OTOL1: variants seen among roughly 807,000 people sequenced by gnomAD.
The protein encoded by OTOL1 is otolin 1.
Under a neutral mutation model 25.0 loss-of-function variants are expected in OTOL1, and 31 were observed. The ratio of observed to expected loss-of-function variants is 1.24; its 90% CI spans 0.93 to 1.67. The LOEUF (loss-of-function observed/expected upper bound fraction) is 1.67, where lower values mean the gene tolerates loss of function less well. OTOL1 is among the 40% of genes most tolerant of loss of function. The probability of loss-of-function intolerance (pLI) is 0.00; values close to 1 mark genes in which losing one functional copy is unlikely to be tolerated. For synonymous variants in OTOL1, 225 were observed against 210.3 expected (o/e 1.07, Z -0.61); for missense variants, 654 against 587.7 (o/e 1.11, Z -1.17).
At chr3:161,497,584 G>C (rs990403149) in intron 1 of OTOL1, among the ~76,000 whole-genome samples, 2 of 152,030 alleles carry the variant, frequency 1.3e-5, no homozygotes, top group African/African-American at 4.8e-5. Context: ...TTAAATTAGT[G>C]GCTGATTTAA....
rs769013132 is a variant in OTOL1 at position 161,499,219 on chromosome 3, T to C, written c.413T>C (p.Val138Ala). ...TTGGGGATCCCAGGGCCACCAGGAG[T>C]TGTTGGGCCCCAAGGCCCTAGAGGC... ...GNLGIPGPPG[V>A]VGPQGPRGYK... Residue 138 changes from valine (V) to alanine (A), a missense_variant, in exon 2 of 4, where the codon GTT becomes GCT. Physicochemically the swap from Val to Ala is moderately conservative, Grantham distance 64. Transcript: ENST00000327928. 6 of 1,611,212 alleles carry C rather than the reference T, an allele frequency of 3.7e-6. No individual in the cohort carries two copies. The highest frequency in any genetic ancestry group is 1.3e-5 in the African/African-American group (1 of 74,842).
At chr3:161,497,484 A>G (rs778407508) in intron 1 of OTOL1, among the ~76,000 whole-genome samples, 1 of 152,176 alleles carries the variant, frequency 6.6e-6, no homozygotes, top group Admixed American at 6.6e-5. Flanking sequence ...TCTACTGGAC[A>G]GTGCTGGTGA....
At chr3:161,500,040 A>G (rs533741918) in intron 2 of OTOL1, among the ~76,000 whole-genome samples, 112 of 152,310 alleles carry the variant, frequency 7.4e-4, no homozygotes, top group African/African-American at 2.5e-3. Context: ...CAGATTCACT[A>G]GGATATTTAG....
chr3:161,503,169 G>A lies in OTOL1; in HGVS notation c.661G>A (p.Gly221Arg), dbSNP rs910839053. ...GGCTATGGGCTCACCTGGCCTGCAC[G>A]GAGGGCCTGGCGCCAAGGGAGAGAA... is the stretch of plus-strand genomic sequence containing the variant. The part of the protein sequence containing the change: ...QGAMGSPGLH[G>R]GPGAKGEKGE... The change falls in exon 4 of 4, where the codon GGA becomes AGA. Residue 221 changes from glycine to arginine, a missense_variant. By Grantham distance (125) the Gly-to-Arg change is moderately radical. Transcript: ENST00000327928. 2.1e-5 allele frequency: 30 copies of A among 1,463,050 alleles called. No homozygotes were observed. In the East Asian group the frequency reaches 3.7e-4, roughly 18 times the overall value. The allele number at this position is 1,463,050 out of a possible 1,614,324, so 90.6% of individuals were successfully genotyped here. A position where few individuals can be genotyped will look rare whatever the true frequency, so the allele number is the denominator to read the frequency against.
intron 2 of OTOL1, among the ~76,000 whole-genome samples, chr3:161,501,670 C>T (rs62278292): frequency 0.024 from 3,609 of 151,592 alleles, 57 homozygotes; most frequent in Non-Finnish European, 0.037. Context: ...ATAAAGAAGG[C>T]ATTTTAACTT....
chr3:161,502,133 G>T (rs1404358200), intron 2 of OTOL1, among the ~76,000 whole-genome samples, 174 bp from the exon 3 acceptor site: 2 of 152,218 alleles, frequency 1.3e-5, no homozygotes, highest in Non-Finnish European at 2.9e-5. Context: ...CTCCCACAGT[G>T]TTGGGATTAT....
intron 1 of OTOL1, among the ~76,000 whole-genome samples, chr3:161,498,749 T>G (rs1718899366): frequency 6.6e-6 from 1 of 152,160 alleles, no homozygotes; most frequent in African/African-American, 2.4e-5. Context: ...TGCAGGGTGC[T>G]TGGTGTATAG....
chr3:161,502,451 A>G, intron 3 of OTOL1, 82 bp downstream of exon 3: 1 of 1,160,240 alleles, frequency 8.6e-7, no homozygotes, highest in South Asian at 1.3e-5. Context: ...ATTTAAAATT[A>G]TCAGAGAGGT....
Position 161,499,162 on chromosome 3 carries a change from C to A in OTOL1, c.365-9C>A, listed in dbSNP as rs1718910758. On this transcript the variant is annotated splice_polypyrimidine_tract_variant and intron_variant, in intron 1 of 3. Coordinates refer to ENST00000327928, the MANE Select transcript of OTOL1 (RefSeq NM_001080440.1). ...TTATATTCTGATGTATTTAAAATCCCATTTCTAGGTCCTAAAGGAGAGGCT... is the reference window on the plus strand; with the variant it reads ...TTATATTCTGATGTATTTAAAATCCAATTTCTAGGTCCTAAAGGAGAGGCT... 5.0e-6 allele frequency: 8 copies of A among 1,597,304 alleles called. No individual in the cohort carries two copies. The highest frequency in any genetic ancestry group is 4.5e-5 in the South Asian group (4 of 88,194).
At chr3:161,502,918 A>G in intron 3 of OTOL1, 108 bp from the exon 4 acceptor site, 7 of 777,160 alleles carry the variant, frequency 9.0e-6, no homozygotes, top group Non-Finnish European at 1.3e-5. Flanking sequence ...GGAAAGAATC[A>G]GGTTTCCTAA....
Position 161,502,336 on chromosome 3 carries a change from G to T in OTOL1, c.484G>T (p.Val162Phe), listed in dbSNP as rs774655678. 17 of 1,613,446 alleles carry T rather than the reference G, an allele frequency of 1.1e-5. No individual in the cohort carries two copies. Among genetic ancestry groups the T allele is most frequent in the Non-Finnish European group, 1.3e-5 (15 of 1,179,728 alleles). Residue 162 changes from valine (V) to phenylalanine (F), a missense_variant, in exon 3 of 4, where the codon GTT becomes TTT. Coordinates refer to ENST00000327928, the MANE Select transcript of OTOL1 (RefSeq NM_001080440.1). ...CAAAGGAGAACGTGGGGACCAAGGA[G>T]TTCCAGGATACCCAGGAAAACCGGG... ...GLKGERGDQG[V>F]PGYPGKPGAQ...
chr3:161,503,789 C>G lies in OTOL1; in HGVS notation c.1281C>G (p.Ala427=), dbSNP rs766325849. The G allele has an allele frequency of 1.2e-5, 19 of 1,613,902 alleles. No homozygotes were observed. In the South Asian group the frequency reaches 2.1e-4, roughly 18 times the overall value. ...TCTATGGTCAGGAAATAGACCAGGC[C>G]TCTCTCCTCGTCATCTTGAAATTAA... ...ETLYGQEIDQ[A]SLLVILKLSA... is the part of the protein sequence containing the mutation. The change falls in exon 4 of 4, where the codon GCC becomes GCG. Residue 427 remains alanine, a synonymous_variant. Transcript: ENST00000327928.
chr3:161,497,589 A>T (rs947575043), intron 1 of OTOL1, among the ~76,000 whole-genome samples: 15 of 152,210 alleles, frequency 9.9e-5, no homozygotes, highest in African/African-American at 3.6e-4. Context: ...TTAGTGGCTG[A>T]TTTAAAAAGG....
Position 161,503,461 on chromosome 3 carries a change from T to C in OTOL1, c.953T>C (p.Val318Ala), listed in dbSNP as rs563420853. The C allele has an allele frequency of 1.2e-6, 2 of 1,613,114 alleles. No homozygotes were observed. The highest frequency in any genetic ancestry group is 3.3e-5 in the Admixed American group (2 of 59,952). The change falls in exon 4 of 4, where the codon GTC becomes GCC. Residue 318 changes from valine (V) to alanine (A), a missense_variant. Val to Ala is a moderately conservative substitution (Grantham distance 64, BLOSUM62 0). Coordinates refer to ENST00000327928, the MANE Select transcript of OTOL1 (RefSeq NM_001080440.1). Reference protein sequence around the residue: ...GPKGDIGNKGVRGPTGKKGSR... With the variant: ...GPKGDIGNKGARGPTGKKGSR... ...AAGGGTGACATTGGCAACAAAGGGG[T>C]CCGAGGCCCCACTGGGAAGAAGGGC...
At chr3:161,502,245 G>GA in intron 2 of OTOL1, 62 bp from the exon 3 acceptor site, 1 of 1,390,080 alleles carries the variant, frequency 7.2e-7, no homozygotes, top group Non-Finnish European at 1.0e-6. Context: ...GGTTGTGAGA[G>GA]GAATATTAAA....
chr3:161,502,992 G>T, intron 3 of OTOL1, 34 bp from the exon 4 acceptor site: 1 of 1,299,892 alleles, frequency 7.7e-7, no homozygotes, highest in South Asian at 3.1e-5. Context: ...TGGCCTATGT[G>T]ATCCTTAAAC....
intron 1 of OTOL1, among the ~76,000 whole-genome samples, chr3:161,497,417 T>C (rs900540533): frequency 2.6e-5 from 4 of 152,152 alleles, no homozygotes; most frequent in Admixed American, 2.6e-4. Flanking sequence ...ACAGTTCAAG[T>C]GCTCAACAGC....
At position 161,503,756 on chromosome 3, in the gene OTOL1, A is replaced by T. The variant is rs1454990887; in HGVS notation, c.1248A>T (p.Arg416Ser). 2 of 1,613,814 alleles carry T rather than the reference A, an allele frequency of 1.2e-6. No individual in the cohort carries two copies. The highest frequency in any genetic ancestry group is 1.7e-6 in the Non-Finnish European group (2 of 1,179,888). The change falls in exon 4 of 4, where the codon AGA becomes AGT. Residue 416 changes from arginine (R) to serine (S), a missense_variant. By Grantham distance (110) the Arg-to-Ser change is moderately radical (BLOSUM62 -1). Coordinates refer to ENST00000327928, the MANE Select transcript of OTOL1 (RefSeq NM_001080440.1). The part of the protein sequence containing the change: ...VAQNKKQFKS[R>S]ETLYGQEIDQ... ...AGAATAAGAAGCAGTTCAAGTCCAG[A>T]GAAACTCTCTATGGTCAGGAAATAG...
intron 1 of OTOL1, among the ~76,000 whole-genome samples, chr3:161,498,750 T>C (rs540507919): frequency 4.6e-5 from 7 of 152,240 alleles, no homozygotes; most frequent in Admixed American, 3.3e-4. Context: ...GCAGGGTGCT[T>C]GGTGTATAGG....
Sources: allele counts gnomAD v4.1 joint callset (sites outside exome capture counted in the v4.1 genomes callset), GRCh38; gene constraint gnomAD v4.1.1; transcripts MANE v1.5; gene names NCBI Gene and HGNC (gene_info 2026-07-23, HGNC 2026-07-21).